Variants in TENM3 observed in about 807,000 individuals in gnomAD.
TENM3 encodes the protein teneurin-3.
Under a neutral mutation model 255.1 loss-of-function variants are expected in TENM3, and 63 were observed. The observed-to-expected ratio is 0.25, with a 90% confidence interval of 0.20 to 0.30. The LOEUF (loss-of-function observed/expected upper bound fraction) is 0.30. TENM3 is among the 10% of genes least tolerant of loss of function. TENM3 has a pLI of 1.00. For synonymous variants in TENM3, 1,306 were observed against 1,322.3 expected, an observed-to-expected ratio of 0.99 and a Z score of 0.27; for missense variants, 2,929 against 3,461.1, an observed-to-expected ratio of 0.85 and a Z score of 3.86.
chr4:182,018,743 G>T, the TENM3 span, among the ~76,000 whole-genome samples: 1 of 152,084 alleles, frequency 6.6e-6, no homozygotes, highest in African/African-American at 2.4e-5. Context: ...AAGACACAGA[G>T]AAATCATATT....
the TENM3 span, among the ~76,000 whole-genome samples, chr4:181,978,456 G>C: frequency 6.6e-6 from 1 of 152,094 alleles, no homozygotes; most frequent in African/African-American, 2.4e-5. Context: ...AGACCAGCCT[G>C]ACCAACATGG....
Position 182,207,293 on chromosome 4 carries a change from G to A in TENM3, c.-76+62539G>A, listed in dbSNP as rs1304506441. Among the ~76,000 whole-genome samples the A allele has an allele frequency of 5.3e-5, 8 of 152,292 alleles. No homozygotes were observed. The East Asian group carries it at 1.5e-3, about 29-fold the overall frequency. ...TCCTCTAGTTGCTTTTCATAGTTCAGCCTGCTGGAAAATGTAAAACACTTA... is the reference window on the plus strand; with the variant it reads ...TCCTCTAGTTGCTTTTCATAGTTCAACCTGCTGGAAAATGTAAAACACTTA... On this transcript the variant is annotated intron_variant, in intron 1 of 2. Transcript: ENST00000512480.
At chr4:182,029,231 A>G in the TENM3 span, among the ~76,000 whole-genome samples, 8 of 152,076 alleles carry the variant, frequency 5.3e-5, no homozygotes, top group South Asian at 4.2e-4. Flanking sequence ...TCATGAGATC[A>G]GGGGGTTCTC....
the TENM3 span, among the ~76,000 whole-genome samples, chr4:181,863,395 G>A: frequency 6.6e-6 from 1 of 152,262 alleles, no homozygotes; most frequent in South Asian, 2.1e-4. Context: ...TGCATAAAAA[G>A]CATGAAGAAA....
At chr4:181,942,269 C>CTTTTTTTTTTTTTTTTTTTTTTTTTT in the TENM3 span, among the ~76,000 whole-genome samples, 1 of 106,140 alleles carries the variant, frequency 9.4e-6, no homozygotes. Flanking sequence ...GATGTTGGGC[C>CTTTTTTTTTTTTTTTTTTTTTTTTTT]TTTTTTTTTT....
chr4:182,061,739 C>T, the TENM3 span, among the ~76,000 whole-genome samples: 1 of 152,032 alleles, frequency 6.6e-6, no homozygotes, highest in African/African-American at 2.4e-5. Flanking sequence ...TGGGAGGATC[C>T]CTTGGGCCAA....
At chr4:182,085,862 C>A in the TENM3 span, among the ~76,000 whole-genome samples, 1 of 152,164 alleles carries the variant, frequency 6.6e-6, no homozygotes, top group African/African-American at 2.4e-5. Context: ...AAAACCATTT[C>A]TCTTTTTATG....
At position 182,800,276 on chromosome 4, in the gene TENM3, G is replaced by T; in HGVS notation, c.8025G>T (p.Val2675=). 1 of 1,594,390 alleles carries T rather than the reference G, an allele frequency of 6.3e-7. No homozygotes were observed. Among genetic ancestry groups the T allele is most frequent in the Non-Finnish European group, 8.5e-7 (1 of 1,178,520 alleles). ...QGYDGYYVLS[V]EQYPELADSA... ...ACGACGGGTACTACGTACTCTCGGTGGAGCAGTACCCCGAGCTGGCCGACA... is the reference window on the plus strand; with the variant it reads ...ACGACGGGTACTACGTACTCTCGGTTGAGCAGTACCCCGAGCTGGCCGACA... Residue 2675 remains valine, a synonymous_variant, in exon 28 of 28, where the codon GTG becomes GTT. Transcript: ENST00000511685.
At chr4:182,033,810 G>T in the TENM3 span, among the ~76,000 whole-genome samples, 9 of 151,940 alleles carry the variant, frequency 5.9e-5, no homozygotes, top group African/African-American at 2.2e-4. Context: ...TGTCTTTTTT[G>T]ATCTTTGTTG....
At chr4:181,988,268 A>G in the TENM3 span, among the ~76,000 whole-genome samples, 9 of 151,970 alleles carry the variant, frequency 5.9e-5, no homozygotes, top group Admixed American at 4.6e-4. Context: ...CATCATTATC[A>G]TAGCCTAGTT....
chr4:182,161,209 G>T (rs1751132647), intron 1 of TENM3, among the ~76,000 whole-genome samples: 1 of 141,262 alleles, frequency 7.1e-6, no homozygotes, highest in African/African-American at 2.6e-5. Context: ...GAGGTCAGGA[G>T]ATCGAGACCA....
chr4:181,996,668 A>AAG, the TENM3 span, among the ~76,000 whole-genome samples: 1 of 152,162 alleles, frequency 6.6e-6, no homozygotes, highest in African/African-American at 2.4e-5. Flanking sequence ...AAGGTGATAA[A>AAG]AGAGTTAAGC....
At chr4:182,541,933 C>A (rs567116877) in intron 3 of TENM3, among the ~76,000 whole-genome samples, 3 of 152,026 alleles carry the variant, frequency 2.0e-5, no homozygotes, top group Non-Finnish European at 4.4e-5. Context: ...CGTAGTGGCG[C>A]ACACCTGTAG....
the TENM3 span, among the ~76,000 whole-genome samples, chr4:181,601,869 A>C: frequency 0.077 from 11,689 of 152,184 alleles, 485 homozygotes; most frequent in South Asian, 0.13. Flanking sequence ...GAATCAGTCC[A>C]TAACACACAG....
chr4:182,006,006 C>G, the TENM3 span, among the ~76,000 whole-genome samples: 1 of 152,134 alleles, frequency 6.6e-6, no homozygotes, highest in Admixed American at 6.5e-5. Flanking sequence ...ATCATGTAGC[C>G]TGCCAGCAGA....
chr4:181,561,998 G>A, the TENM3 span, among the ~76,000 whole-genome samples: 1 of 152,106 alleles, frequency 6.6e-6, no homozygotes. Context: ...TTCATATCAG[G>A]TTTTAATTTT....
chr4:182,292,490 T>C (rs1359217118), intron 1 of TENM3, among the ~76,000 whole-genome samples: 2 of 152,222 alleles, frequency 1.3e-5, no homozygotes, highest in African/African-American at 4.8e-5. Context: ...AACAAAATGT[T>C]AGTTTCTGTG....
intron 6 of TENM3, among the ~76,000 whole-genome samples, chr4:182,666,884 C>G (rs1182670827): frequency 6.6e-6 from 1 of 151,594 alleles, no homozygotes; most frequent in Non-Finnish European, 1.5e-5. Context: ...TGGGTGACAG[C>G]TTTTGAGACC....
chr4:182,335,494 C>CAAAAAAAAAAAA (rs372965020), intron 2 of TENM3, among the ~76,000 whole-genome samples: 12 of 52,394 alleles, frequency 2.3e-4, no homozygotes, highest in African/African-American at 6.9e-4. Flanking sequence ...GACTCCGCCT[C>CAAAAAAAAAAAA]AAAAAAAAAA....
Sources: allele counts gnomAD v4.1 joint callset (sites outside exome capture counted in the v4.1 genomes callset), GRCh38; gene constraint gnomAD v4.1.1; transcripts MANE v1.5; gene names NCBI Gene and HGNC (gene_info 2026-07-23, HGNC 2026-07-21).